Variants in TFB1M observed in about 807,000 individuals in gnomAD.
The protein encoded by TFB1M is transcription factor B1, mitochondrial.
Under a neutral mutation model 31.1 loss-of-function variants are expected in TFB1M, and 27 were observed. That is an observed-to-expected ratio of 0.87 (90% confidence interval 0.64 to 1.20). The LOEUF (loss-of-function observed/expected upper bound fraction) is 1.20, where lower values mean the gene tolerates loss of function less well. TFB1M is among the 50% of genes most tolerant of loss of function. The pLI is 0.00. For missense variants in TFB1M, 394 were observed against 418.7 expected, an observed-to-expected ratio of 0.94 and a Z score of 0.51; for synonymous variants, 166 against 151.8, an observed-to-expected ratio of 1.09 and a Z score of -0.69.
chr6:155,310,939 T>G (rs967124654), intron 2 of TFB1M: 1 of 501,284 alleles, frequency 2.0e-6, no homozygotes, highest in African/African-American at 1.9e-5. Flanking sequence ...AATTAATTTG[T>G]TTAGCATAAA....
At chr6:155,309,257 C>T (rs959657911) in intron 2 of TFB1M, among the ~76,000 whole-genome samples, 3 of 152,128 alleles carry the variant, frequency 2.0e-5, no homozygotes, top group African/African-American at 4.8e-5. Flanking sequence ...TTTTGTTTCT[C>T]ATGTGAGACA....
the TFB1M span, among the ~76,000 whole-genome samples, chr6:155,230,556 G>A: frequency 6.6e-6 from 1 of 152,198 alleles, no homozygotes; most frequent in African/African-American, 2.4e-5. Context: ...GTTCATCAAA[G>A]TGTCTTTATG....
At chr6:155,244,353 C>T in the TFB1M span, among the ~76,000 whole-genome samples, 11 of 152,286 alleles carry the variant, frequency 7.2e-5, no homozygotes, top group African/African-American at 2.6e-4. Flanking sequence ...TCAATACATA[C>T]CTTTGTAATG....
At chr6:155,266,395 TC>T (rs1562390104) in intron 5 of TFB1M, among the ~76,000 whole-genome samples, 1 of 152,044 alleles carries the variant, frequency 6.6e-6, no homozygotes, top group African/African-American at 2.4e-5. Flanking sequence ...TGGGAAAGTA[TC>T]ACACAGTCAA....
chr6:155,256,821 C>T lies in TFB1M; in HGVS notation c.*1015G>A, dbSNP rs151248107. 277 of 1,614,156 alleles carry T rather than the reference C, an allele frequency of 1.7e-4. No homozygotes were observed. The African/African-American group carries it at 2.1e-3, about 12-fold the overall frequency. ...GACTGAGGATTTCCGAGGACCCAGACGTTCACCCCGAGGCTGAGCAGCAGC... is the reference window on the plus strand; with the variant it reads ...GACTGAGGATTTCCGAGGACCCAGATGTTCACCCCGAGGCTGAGCAGCAGC... On this transcript the variant is annotated 3_prime_UTR_variant, in exon 7 of 7. Transcript: ENST00000367166.
rs1166921695 is a variant in TFB1M, at chr6:155,257,030, C to T, written c.*806G>A. ...GAAAATGCCACCATCGACCTAAATT[C>T]TGTTCTAGAGCGAGAATTCAGTGTC... On this transcript the variant is annotated 3_prime_UTR_variant, in exon 7 of 7. Transcript: ENST00000367166. The T allele has an allele frequency of 6.2e-7, 1 of 1,614,192 alleles. No individual in the cohort carries two copies. The highest frequency in any genetic ancestry group is 2.2e-5 in the East Asian group (1 of 44,886).
At chr6:155,298,670 A>T in intron 2 of TFB1M, 85 bp from the exon 3 acceptor site, 1 of 914,204 alleles carries the variant, frequency 1.1e-6, no homozygotes, top group Non-Finnish European at 1.8e-6. Flanking sequence ...GCATTTAAAA[A>T]ATCAGTTAAA....
downstream of TFB1M, chr6:155,254,186 A>G: frequency 8.9e-7 from 1 of 1,129,472 alleles, no homozygotes; most frequent in Non-Finnish European, 1.3e-6. Flanking sequence ...ACCCTCCGAA[A>G]AAGGCAACTG....
At chr6:155,310,744 T>C (rs544129635) in intron 2 of TFB1M, 155 of 170,910 alleles carry the variant, frequency 9.1e-4, no homozygotes, top group Non-Finnish European at 1.8e-3. Context: ...TCTCTCATGA[T>C]GACAAACGTG....
intron 5 of TFB1M, chr6:155,260,614 C>T: frequency 1.6e-6 from 1 of 628,488 alleles, no homozygotes; most frequent in Non-Finnish European, 2.9e-6. Flanking sequence ...TGCACCTGTT[C>T]TCTAATGACA....
At chr6:155,306,999 T>C (rs760950851) in intron 2 of TFB1M, among the ~76,000 whole-genome samples, 2 of 152,082 alleles carry the variant, frequency 1.3e-5, no homozygotes, top group Non-Finnish European at 2.9e-5. Flanking sequence ...TGTGCACCTG[T>C]AGTTCCACCT....
At chr6:155,281,772 C>G (rs1785514631) in intron 5 of TFB1M, among the ~76,000 whole-genome samples, 1 of 148,550 alleles carries the variant, frequency 6.7e-6, no homozygotes, top group South Asian at 2.1e-4. Context: ...AAAAGCCTTT[C>G]CACTCTTTAC....
chr6:155,263,355 T>C (rs1784475646), intron 5 of TFB1M, among the ~76,000 whole-genome samples: 1 of 152,264 alleles, frequency 6.6e-6, no homozygotes, highest in South Asian at 2.1e-4. Context: ...TAAAATATTC[T>C]AGTTTAATGC....
chr6:155,248,905 A>G, the TFB1M span, among the ~76,000 whole-genome samples: 1 of 152,260 alleles, frequency 6.6e-6, no homozygotes, highest in African/African-American at 2.4e-5. Context: ...TTACTGAATA[A>G]TAAATACTGA....
In TFB1M at chr6:155,314,409, A is replaced by G. The variant is rs774742682; in HGVS notation, c.20T>C (p.Leu7Pro). The G allele has an allele frequency of 9.9e-6, 16 of 1,614,224 alleles. No homozygotes were observed. The highest frequency in any genetic ancestry group is 1.4e-5 in the Non-Finnish European group (16 of 1,180,040). Residue 7 changes from leucine (L) to proline (P), a missense_variant, in exon 1 of 7, where the codon CTC becomes CCC. Coordinates refer to ENST00000367166, the MANE Select transcript of TFB1M (RefSeq NM_016020.4). ...CAACGGAGGGAGACGGCAAGTGCTG[A>G]GTTTTCCGGAGGCAGCCATGATACG... is the stretch of plus-strand genomic sequence containing the variant. MAASGKLSTCRLPPLPT... is the reference protein window; with the variant it reads MAASGKPSTCRLPPLPT...
chr6:155,297,999 C>A (rs1777251529), intron 3 of TFB1M, among the ~76,000 whole-genome samples: 1 of 152,180 alleles, frequency 6.6e-6, no homozygotes, highest in African/African-American at 2.4e-5. Flanking sequence ...AAGAAACATA[C>A]CCTATTTATC....
chr6:155,297,949 C>T (rs1562418598), intron 3 of TFB1M, among the ~76,000 whole-genome samples: 1 of 152,148 alleles, frequency 6.6e-6, no homozygotes, highest in South Asian at 2.1e-4. Context: ...TGTGGAGGCA[C>T]CTAAGCCCTC....
intron 5 of TFB1M, among the ~76,000 whole-genome samples, chr6:155,272,987 A>C (rs1785003887): frequency 6.6e-6 from 1 of 152,226 alleles, no homozygotes; most frequent in Admixed American, 6.5e-5. Context: ...AGAAAGAGAG[A>C]GGGAGAGAGA....
At chr6:155,285,119 C>T (rs750741924) in intron 5 of TFB1M, 39 bp downstream of exon 5, 14 of 1,612,108 alleles carry the variant, frequency 8.7e-6, no homozygotes, top group Non-Finnish European at 1.2e-5. Flanking sequence ...AACAAACGTC[C>T]TAATTCCGAT....
Sources: gnomAD v4.1 joint callset for allele counts (sites outside exome capture counted in the v4.1 genomes callset) on GRCh38, gnomAD v4.1.1 for gene constraint, MANE v1.5 for transcripts, NCBI Gene and HGNC (gene_info 2026-07-23, HGNC 2026-07-21) for gene names.